PPA1: variants seen among roughly 807,000 people sequenced by gnomAD.
The protein encoded by PPA1 is inorganic pyrophosphatase.
A neutral mutation model predicts 41.8 loss-of-function variants in PPA1; 23 were observed. The observed-to-expected ratio is 0.55, with a 90% CI of 0.40 to 0.78. The LOEUF is 0.78. PPA1 is among the 30% of genes least tolerant of loss of function. The pLI, the probability that PPA1 is intolerant of heterozygous loss-of-function variation, is 0.00. For missense variants in PPA1, 320 were observed against 361.6 expected (o/e 0.89, Z 0.93); for synonymous variants, 101 against 116.8 (o/e 0.86, Z 0.87).
rs1332015035 is a variant in PPA1 at position 70,202,968 on chromosome 10, T to C, written c.*187A>G. ...ATTTAAGCATGTGCTAAAAGTTATC[T>C]TAGTTGAGATATGAAAAATGCTTTA... On this transcript the variant is annotated 3_prime_UTR_variant, in exon 11 of 11. Coordinates refer to ENST00000373232, the MANE Select transcript of PPA1 (RefSeq NM_021129.4). 6.3e-6 allele frequency: 4 copies of C among 630,532 alleles called. No homozygotes were observed. Among genetic ancestry groups the C allele is most frequent in the Non-Finnish European group, 1.1e-5 (4 of 362,966 alleles). 39.1% of individuals were successfully genotyped at this position (630,532 alleles called of 1,614,324 possible).
rs772181076 is a variant in PPA1 at position 70,217,954 on chromosome 10, CT to C, written c.178-24del. On this transcript the variant is annotated intron_variant, in intron 3 of 10. Transcript: ENST00000373232. ...AATCTGAAATAAGAAAATTTCAAATCTTTGCATATTTGGATGTGAAATACTA... is the reference window on the plus strand; with the variant it reads ...AATCTGAAATAAGAAAATTTCAAATCTTGCATATTTGGATGTGAAATACTA... 6 of 1,514,034 alleles carry C rather than the reference CT, an allele frequency of 4.0e-6. No homozygotes were observed. In the Admixed American group the frequency reaches 1.2e-4, roughly 31 times the overall value. 93.8% of individuals were successfully genotyped at this position (1,514,034 alleles called of 1,614,324 possible). A position where few individuals can be genotyped will look rare whatever the true frequency, so the allele number is the denominator to read the frequency against.
At chr10:70,219,868 A>ATT (rs997575803) in intron 2 of PPA1, among the ~76,000 whole-genome samples, 13 of 151,922 alleles carry the variant, frequency 8.6e-5, no homozygotes, top group African/African-American at 3.1e-4. Flanking sequence ...TCAGAATACT[A>ATT]TTTTTTTTCA....
At chr10:70,226,514 A>G (rs1840232547) in intron 2 of PPA1, among the ~76,000 whole-genome samples, 1 of 152,030 alleles carries the variant, frequency 6.6e-6, no homozygotes, top group African/African-American at 2.4e-5. Flanking sequence ...AGCCAAGATC[A>G]CAGCACTGCA....
chr10:70,229,628 T>C (rs962183013), intron 2 of PPA1, among the ~76,000 whole-genome samples: 11 of 152,242 alleles, frequency 7.2e-5, no homozygotes, highest in African/African-American at 2.7e-4. Flanking sequence ...AGCCCGTTAC[T>C]AAATTTTCCT....
chr10:70,209,609 A>C lies in PPA1; in HGVS notation c.588T>G (p.Pro196=). ...CAAACTCATTTTCTGGTTTTCCATC[A>C]GGAACCTTATACCTTCTAAACCAGT... ...TVDWFRRYKV[P]DGKPENEFAF... Residue 196 remains proline (P), a synonymous_variant, in exon 7 of 11, where the codon CCT becomes CCG. Coordinates refer to ENST00000373232, the MANE Select transcript of PPA1 (RefSeq NM_021129.4). 1 of 1,607,550 alleles carries C rather than the reference A, an allele frequency of 6.2e-7. No individual in the cohort carries two copies. Among genetic ancestry groups the C allele is most frequent in the Non-Finnish European group, 8.5e-7 (1 of 1,178,226 alleles).
At chr10:70,219,568 T>C (rs1402557395) in intron 2 of PPA1, among the ~76,000 whole-genome samples, 1 of 152,196 alleles carries the variant, frequency 6.6e-6, no homozygotes, top group East Asian at 1.9e-4. Context: ...ATTATCCACA[T>C]TATTCTCCCA....
At position 70,204,888 on chromosome 10, in the gene PPA1, T is replaced by G; in HGVS notation, c.823A>C (p.Thr275Pro). 1 of 1,597,310 alleles carries G rather than the reference T, an allele frequency of 6.3e-7. No homozygotes were observed. Among genetic ancestry groups the G allele is most frequent in the Non-Finnish European group, 8.6e-7 (1 of 1,167,990 alleles). ...GAAATCTTACCGTCTGTTGGTACTG[T>G]GCAGGCAGATTCACAGGGTGGTGGT... The part of the protein sequence containing the change: ...ALPPPCESAC[T>P]VPTDVDKWFH... The change falls in exon 10 of 11, where the codon ACA becomes CCA. Residue 275 changes from threonine to proline, a missense_variant. Transcript: ENST00000373232.
intron 1 of PPA1, among the ~76,000 whole-genome samples, chr10:70,232,854 G>GCC (rs370534712): frequency 0.027 from 4,024 of 150,768 alleles, 166 homozygotes; most frequent in African/African-American, 0.093. Context: ...GGAAGTCACT[G>GCC]CCCCCCCCGG....
At chr10:70,233,031 C>G (rs4746981) in intron 1 of PPA1, among the ~76,000 whole-genome samples, 128,453 of 152,150 alleles carry the variant, frequency 0.84, 54,428 homozygotes, top group East Asian at 1. Context: ...CGAGGCGTGA[C>G]AAAGGGACCA....
At chr10:70,227,821 C>T (rs1266384476) in intron 2 of PPA1, among the ~76,000 whole-genome samples, 2 of 151,992 alleles carry the variant, frequency 1.3e-5, no homozygotes, top group African/African-American at 2.4e-5. Flanking sequence ...TATAATCCCT[C>T]GGATGACTGA....
intron 7 of PPA1, 102 bp from the exon 8 acceptor site, chr10:70,209,392 C>A: frequency 7.7e-7 from 1 of 1,298,372 alleles, no homozygotes; most frequent in Non-Finnish European, 1.1e-6. Context: ...TGAATCATTT[C>A]CTTATTCTAA....
At position 70,202,934 on chromosome 10, in the gene PPA1, T is replaced by A. The variant is rs1839899025; in HGVS notation, c.*221A>T. 1.4e-5 allele frequency: 8 copies of A among 553,522 alleles called. No individual in the cohort carries two copies. The South Asian group carries it at 1.8e-4, about 13-fold the overall frequency. 34.3% of individuals were successfully genotyped at this position (553,522 alleles called of 1,614,324 possible). A position where few individuals can be genotyped will look rare whatever the true frequency, so the allele number is the denominator to read the frequency against. Reference sequence around the variant, plus strand: ...TCACAAGTGACTTCCAAATGACAACTGCTTTGATATTTAAGCATGTGCTAA... The same window carrying A: ...TCACAAGTGACTTCCAAATGACAACAGCTTTGATATTTAAGCATGTGCTAA... On this transcript the variant is annotated 3_prime_UTR_variant, in exon 11 of 11. Transcript: ENST00000373232.
chr10:70,217,592 A>C (rs1840093452), intron 4 of PPA1, among the ~76,000 whole-genome samples: 1 of 152,250 alleles, frequency 6.6e-6, no homozygotes, highest in Non-Finnish European at 1.5e-5. Context: ...TTCAGGAAAG[A>C]ATAAACGTTC....
chr10:70,218,012 G>C (rs1432545083), intron 3 of PPA1, 81 bp from the exon 4 acceptor site: 3 of 1,250,396 alleles, frequency 2.4e-6, no homozygotes, highest in Non-Finnish European at 3.3e-6. Context: ...ATGAATTATG[G>C]TACCTATGTT....
At position 70,209,641 on chromosome 10, in the gene PPA1, T is replaced by C. The variant is rs771482123; in HGVS notation, c.556A>G (p.Thr186Ala). The C allele has an allele frequency of 5.6e-6, 9 of 1,606,444 alleles. No homozygotes were observed. Among genetic ancestry groups the C allele is most frequent in the South Asian group, 1.1e-5 (1 of 89,914 alleles). Residue 186 changes from threonine (T) to alanine (A), a missense_variant, in exon 7 of 11, where the codon ACT becomes GCT. By Grantham distance (58) the Thr-to-Ala change is moderately conservative. Coordinates refer to ENST00000373232, the MANE Select transcript of PPA1 (RefSeq NM_021129.4). ...KRLKPGYLEA[T>A]VDWFRRYKVP... ...TTATACCTTCTAAACCAGTCCACAG[T>C]AGCTTCTAAGTAGCCAGGTTTCAGC...
At position 70,214,569 on chromosome 10, in the gene PPA1, C is replaced by A; in HGVS notation, c.315G>T (p.Gly105=). Residue 105 remains glycine, a synonymous_variant, in exon 5 of 11, where the codon GGG becomes GGT. Transcript: ENST00000373232. ...AACAGCCAGTATGTTTATCATTGTGCCCTGGGTCTTCCCAAGTCTAAAAAT... is the reference window on the plus strand; with the variant it reads ...AACAGCCAGTATGTTTATCATTGTGACCTGGGTCTTCCCAAGTCTAAAAAT... ...GAIPQTWEDP[G]HNDKHTGCCG... is the part of the protein sequence containing the mutation. The A allele has an allele frequency of 6.2e-7, 1 of 1,613,360 alleles. No homozygotes were observed. Among genetic ancestry groups the A allele is most frequent in the Non-Finnish European group, 8.5e-7 (1 of 1,179,418 alleles).
chr10:70,227,650 C>CAAAAAAAAAAAAAAAAAAAAAAAAAAAAA (rs11382289), intron 2 of PPA1, among the ~76,000 whole-genome samples: 1 of 75,138 alleles, frequency 1.3e-5, no homozygotes. Flanking sequence ...AACCCTATCT[C>CAAAAAAAAAAAAAAAAAAAAAAAAAAAAA]AAAAAAAAAA....
At chr10:70,204,086 C>T (rs896832831) in intron 10 of PPA1, 3 of 152,546 alleles carry the variant, frequency 2.0e-5, no homozygotes, top group African/African-American at 7.2e-5. Context: ...CGCCTGTAAT[C>T]CTAGCACTTT....
At position 70,218,610 on chromosome 10, in the gene PPA1, A is replaced by G. The variant is rs1840103458; in HGVS notation, c.177+154T>C. The G allele has an allele frequency of 8.2e-6, 5 of 606,514 alleles. No homozygotes were observed. In the South Asian group the frequency reaches 8.5e-5, roughly 10 times the overall value. 37.6% of individuals were successfully genotyped at this position (606,514 alleles called of 1,614,324 possible). ...TGAGTTTAGCTGGAGCCCAAAGGGA[A>G]GACTAGTAGGCAATGGGAGATACAA... On this transcript the variant is annotated intron_variant, in intron 3 of 10. Coordinates refer to ENST00000373232, the MANE Select transcript of PPA1 (RefSeq NM_021129.4).
Sources: gnomAD v4.1 joint callset for allele counts (sites outside exome capture counted in the v4.1 genomes callset) on GRCh38, gnomAD v4.1.1 for gene constraint, MANE v1.5 for transcripts, NCBI Gene and HGNC (gene_info 2026-07-23, HGNC 2026-07-21) for gene names.